LIMCH1: variants seen among roughly 807,000 people sequenced by gnomAD.
LIMCH1 encodes the protein LIM and calponin homology domains 1.
A neutral mutation model predicts 176.5 loss-of-function variants in LIMCH1; 113 were observed. The ratio of observed to expected loss-of-function variants is 0.64; its 90% CI spans 0.55 to 0.75. The LOEUF (loss-of-function observed/expected upper bound fraction) is 0.75, where lower values mean the gene tolerates loss of function less well. Ranked by LOEUF, LIMCH1 falls within the 30% of genes least tolerant of loss-of-function variation. The pLI is 0.00. For synonymous variants in LIMCH1, 619 were observed against 645.9 expected, an observed-to-expected ratio of 0.96 and a Z score of 0.63; for missense variants, 1,674 against 1,814.9, an observed-to-expected ratio of 0.92 and a Z score of 1.41.
chr4:41,686,828 A>G (rs888518076), intron 28 of LIMCH1, among the ~76,000 whole-genome samples: 10 of 152,116 alleles, frequency 6.6e-5, no homozygotes, highest in African/African-American at 2.4e-4. Context: ...TATTTGAACC[A>G]TTTCCTGTTT....
At chr4:41,360,415 C>A (rs2051821750), upstream of LIMCH1, among the ~76,000 whole-genome samples, 1 of 152,070 alleles carries the variant, frequency 6.6e-6, no homozygotes, top group African/African-American at 2.4e-5. This position sits in a 1 kb window ranked among gnomAD's most constrained non-coding sequence, Gnocchi z 4.5. Context: ...CCCATCCGCC[C>A]GCCCCTCAGC....
At chr4:41,618,251 G>A (rs557564672) in intron 5 of LIMCH1, among the ~76,000 whole-genome samples, 8 of 152,274 alleles carry the variant, frequency 5.3e-5, no homozygotes, top group African/African-American at 1.9e-4. Context: ...GTGTTTGTTG[G>A]AATGATGGCT....
chr4:41,651,760 A>G (rs1202115800), intron 18 of LIMCH1, among the ~76,000 whole-genome samples: 2 of 152,248 alleles, frequency 1.3e-5, no homozygotes, highest in Admixed American at 6.5e-5. Context: ...AATGTAAAGC[A>G]TCAGAGTACT....
chr4:41,584,541 T>G (rs1359877870), intron 1 of LIMCH1, among the ~76,000 whole-genome samples: 1 of 152,184 alleles, frequency 6.6e-6, no homozygotes, highest in Non-Finnish European at 1.5e-5. Flanking sequence ...TAGTAAGAAT[T>G]TCTCAGAACT....
chr4:41,542,881 G>GA (rs558568983), intron 1 of LIMCH1, among the ~76,000 whole-genome samples: 88 of 152,250 alleles, frequency 5.8e-4, no homozygotes, highest in African/African-American at 2.1e-3. Flanking sequence ...AATAAGAACT[G>GA]AAAAAATTGT....
intron 1 of LIMCH1, among the ~76,000 whole-genome samples, chr4:41,598,235 G>A (rs2089279632): frequency 1.3e-5 from 2 of 152,158 alleles, no homozygotes; most frequent in Admixed American, 6.6e-5. Context: ...TAAAATAGAT[G>A]AAGACAGACC....
chr4:41,396,553 T>A (rs914544393), intron 1 of LIMCH1, among the ~76,000 whole-genome samples: 1 of 152,130 alleles, frequency 6.6e-6, no homozygotes, highest in Non-Finnish European at 1.5e-5. Flanking sequence ...TGTTTGTTTG[T>A]TTGTTTTTGC....
intron 1 of LIMCH1, among the ~76,000 whole-genome samples, chr4:41,596,048 C>CAAA (rs1452167402): frequency 2.0e-5 from 2 of 100,668 alleles, no homozygotes; most frequent in African/African-American, 1.4e-4. Context: ...GACTCCATCT[C>CAAA]AAAAAAAAAA....
intron 31 of LIMCH1, 108 bp from the exon 32 acceptor site, chr4:41,697,052 A>T (rs530524438): frequency 8.9e-7 from 1 of 1,120,120 alleles, no homozygotes; most frequent in Admixed American, 1.8e-5. Context: ...GGTCCCCAGG[A>T]AGAGGAGACT....
At chr4:41,381,485 A>C (rs892364638) in intron 1 of LIMCH1, among the ~76,000 whole-genome samples, 1 of 152,188 alleles carries the variant, frequency 6.6e-6, no homozygotes, top group African/African-American at 2.4e-5. Context: ...GTGGTTGGCT[A>C]TACCAGTTTT....
intron 1 of LIMCH1, among the ~76,000 whole-genome samples, chr4:41,475,546 A>G (rs772602615): frequency 5.3e-5 from 8 of 152,206 alleles, no homozygotes; most frequent in Non-Finnish European, 1.0e-4. Flanking sequence ...AATGCTGTAC[A>G]TTAGGAATCT....
intron 3 of LIMCH1, among the ~76,000 whole-genome samples, chr4:41,531,174 G>C (rs754794779): frequency 2.0e-5 from 3 of 151,966 alleles, no homozygotes; most frequent in Non-Finnish European, 4.4e-5. Context: ...CATTTGTTTG[G>C]AGACATCAAC....
At chr4:41,454,745 A>G (rs927495736) in intron 1 of LIMCH1, among the ~76,000 whole-genome samples, 13 of 152,198 alleles carry the variant, frequency 8.5e-5, no homozygotes, top group Non-Finnish European at 1.2e-4. Flanking sequence ...GCTATTTTCT[A>G]GAAAGCACTT....
At chr4:41,525,231 T>C (rs1222996153) in intron 3 of LIMCH1, among the ~76,000 whole-genome samples, 1 of 152,202 alleles carries the variant, frequency 6.6e-6, no homozygotes, top group African/African-American at 2.4e-5. Flanking sequence ...TATGTGTGTG[T>C]GCGTGCACAC....
At chr4:41,606,104 T>C in intron 4 of LIMCH1, 100 bp downstream of exon 4, 1 of 757,986 alleles carries the variant, frequency 1.3e-6, no homozygotes, top group Non-Finnish European at 2.2e-6. Flanking sequence ...GGTTGTGGAA[T>C]GGTATGAGCC....
At position 41,585,882 on chromosome 4, in the gene LIMCH1, T is replaced by A. The variant is rs1379374782; in HGVS notation, c.-240-13038T>A. ...TATGACTCATGTAGGTTGGAAAACA[T>A]CCGAAATGTTATACTCCCTATTCAG... On this transcript the variant is annotated intron_variant, in intron 1 of 31. Transcript: ENST00000503057. Among the ~76,000 whole-genome samples the A allele has an allele frequency of 1.3e-5, 2 of 152,136 alleles. 1 individual carries two copies. Among genetic ancestry groups the A allele is most frequent in the Non-Finnish European group, 2.9e-5 (2 of 68,020 alleles).
intron 1 of LIMCH1, among the ~76,000 whole-genome samples, chr4:41,557,156 G>A (rs1331654136): frequency 6.6e-6 from 1 of 152,114 alleles, no homozygotes; most frequent in South Asian, 2.1e-4. Flanking sequence ...GTTGCAAATT[G>A]TATCATCCTG....
At chr4:41,644,407 G>A in intron 14 of LIMCH1, 93 bp from the exon 15 acceptor site, 1 of 1,388,708 alleles carries the variant, frequency 7.2e-7, no homozygotes, top group Non-Finnish European at 9.4e-7. Flanking sequence ...TTCCAAGCCC[G>A]GTAGCGCCCC....
intron 1 of LIMCH1, among the ~76,000 whole-genome samples, chr4:41,458,453 G>C (rs187042056): frequency 6.6e-6 from 1 of 152,100 alleles, no homozygotes; most frequent in Non-Finnish European, 1.5e-5. Flanking sequence ...CAAGGAGAGA[G>C]TAGGAGCCAA....
Sources: gnomAD v4.1 joint callset for allele counts (sites outside exome capture counted in the v4.1 genomes callset) on GRCh38, gnomAD v4.1.1 for gene constraint, Gnocchi (gnomAD v3.1) non-coding constraint, MANE v1.5 for transcripts, NCBI Gene and HGNC (gene_info 2026-07-23, HGNC 2026-07-21) for gene names.